The following RELT variants were observed in gnomAD, a reference collection of about 807,000 sequenced individuals.
The protein encoded by RELT is RELT TNF receptor.
A neutral mutation model predicts 51.1 loss-of-function variants in RELT; 37 were observed. That is an observed-to-expected ratio of 0.72 (90% CI 0.56 to 0.95). The LOEUF (loss-of-function observed/expected upper bound fraction) is 0.95, where lower values mean the gene tolerates loss of function less well. Ranked by LOEUF, RELT falls within the 40% of genes least tolerant of loss-of-function variation. The pLI is 0.00. For synonymous variants in RELT, 241 were observed against 235.7 expected, an observed-to-expected ratio of 1.02 and a Z score of -0.21; for missense variants, 535 against 572.6, an observed-to-expected ratio of 0.93 and a Z score of 0.67.
At chr11:73,383,609 G>A (rs1866080946) in intron 1 of RELT, among the ~76,000 whole-genome samples, 2 of 152,308 alleles carry the variant, frequency 1.3e-5, no homozygotes, top group South Asian at 4.1e-4. Context: ...CAGGTCCTGG[G>A]CTAAGTTGCA....
chr11:73,393,234 T>C, intron 6 of RELT: 1 of 1,003,058 alleles, frequency 1.0e-6, no homozygotes, highest in Non-Finnish European at 1.2e-6. Flanking sequence ...ACGTGGTGAC[T>C]CAGGGCCATT....
chr11:73,384,135 T>C (rs1252932567), intron 1 of RELT, among the ~76,000 whole-genome samples: 3 of 152,148 alleles, frequency 2.0e-5, no homozygotes, highest in Non-Finnish European at 4.4e-5. Context: ...CAGTGCGGCC[T>C]CTCTTAGCAG....
chr11:73,383,598 C>T (rs2134441814), intron 1 of RELT, among the ~76,000 whole-genome samples: 1 of 152,336 alleles, frequency 6.6e-6, no homozygotes, highest in Non-Finnish European at 1.5e-5. Context: ...TTACTATGTG[C>T]CAGGTCCTGG....
At chr11:73,390,525 T>C (rs780396923) in intron 2 of RELT, 26 bp from the exon 3 acceptor site, 6 of 1,610,580 alleles carry the variant, frequency 3.7e-6, no homozygotes, top group Non-Finnish European at 5.1e-6. Flanking sequence ...ACTTTCTGCC[T>C]CTTTCAATGC....
intron 1 of RELT, among the ~76,000 whole-genome samples, chr11:73,379,574 C>T (rs1866019706): frequency 6.6e-6 from 1 of 152,224 alleles, no homozygotes; most frequent in Non-Finnish European, 1.5e-5. Context: ...CCCTAGGACT[C>T]CTAGAACCTT....
rs1366354691 is a variant in RELT, at chr11:73,394,143, A to G, written c.707-93A>G. 3.0e-5 allele frequency: 34 copies of G among 1,144,838 alleles called. No individual in the cohort carries two copies. Among genetic ancestry groups the G allele is most frequent in the Non-Finnish European group, 7.6e-6 (6 of 790,994 alleles). 70.9% of individuals were successfully genotyped at this position (1,144,838 alleles called of 1,614,324 possible). On this transcript the variant is annotated intron_variant, in intron 7 of 10. Transcript: ENST00000064780. The surrounding 1 kb of genome is among the most constrained non-coding windows in gnomAD (Gnocchi z 4.9). The stretch of plus-strand genomic sequence containing the variant: ...CACAGCCCAGGCTGGGAGTGGTGGT[A>G]TGGAGGGTAGGTGGGGGGTTCTCTG...
intron 3 of RELT, 60 bp downstream of exon 3, chr11:73,390,685 T>G: frequency 6.2e-7 from 1 of 1,607,842 alleles, no homozygotes; most frequent in Non-Finnish European, 8.5e-7. Flanking sequence ...AGGGGCAGAG[T>G]CCTGTGCCTG....
In RELT at chr11:73,390,598, G is replaced by A; in HGVS notation, c.93G>A (p.Gln31=). ...LATLTSTTLW[Q]CPPGEEPDLD... ...CCCTGACATCAACAACCCTTTGGCA[G>A]TGCCCACCTGGGGAGGAGCCCGACC... The change falls in exon 3 of 11, where the codon CAG becomes CAA. Residue 31 remains glutamine (Q), a synonymous_variant. Transcript: ENST00000064780. 6.2e-7 allele frequency: 1 copy of A among 1,613,990 alleles called. No homozygotes were observed. Among genetic ancestry groups the A allele is most frequent in the Non-Finnish European group, 8.5e-7 (1 of 1,179,992 alleles).
Position 73,392,261 on chromosome 11 carries a change from A to G in RELT, c.418A>G (p.Ser140Gly), listed in dbSNP as rs1866228392. The change falls in exon 6 of 11, where the codon AGC becomes GGC. Residue 140 changes from serine (S) to glycine (G), a missense_variant. Transcript: ENST00000064780. ...CGTGGAGGTGGCAGCAGGGGCCAGC[A>G]GCGGTGGTGAGACACGGCAGCCTGG... ...RGVEVAAGAS[S>G]GGETRQPGNG... The G allele has an allele frequency of 6.2e-7, 1 of 1,613,008 alleles. No individual in the cohort carries two copies. Among genetic ancestry groups the G allele is most frequent in the South Asian group, 1.1e-5 (1 of 91,052 alleles).
rs942416298 is a variant in RELT, at chr11:73,388,809, G to A, written c.-25-303G>A. 2.0e-5 allele frequency among the ~76,000 whole-genome samples: 3 copies of A among 152,168 alleles called. No homozygotes were observed. The highest frequency in any genetic ancestry group is 7.2e-5 in the African/African-American group (3 of 41,444). On this transcript the variant is annotated intron_variant, in intron 1 of 10. Coordinates refer to ENST00000064780, the MANE Select transcript of RELT (RefSeq NM_152222.2). The surrounding 1 kb of genome is among the most constrained non-coding windows in gnomAD (Gnocchi z 4.1). ...CTTCCTTCCCCTGCTGATGCCTCGG[G>A]GCACCTGGCAGTTTAAGGAAGGGGA...
At position 73,394,445 on chromosome 11, in the gene RELT, C is replaced by A. The variant is rs753987816; in HGVS notation, c.789-32C>A. On this transcript the variant is annotated intron_variant, in intron 8 of 10. Transcript: ENST00000064780. This position sits in a 1 kb window ranked among gnomAD's most constrained non-coding sequence, Gnocchi z 4.9. Reference sequence around the variant, plus strand: ...CTGGGGTCTCCTGCCCCTGGCCTGGCCTATGGCCACTTCTGCCTGTGCCCC... The same window carrying A: ...CTGGGGTCTCCTGCCCCTGGCCTGGACTATGGCCACTTCTGCCTGTGCCCC... The A allele has an allele frequency of 1.2e-6, 2 of 1,608,884 alleles. No homozygotes were observed. The highest frequency in any genetic ancestry group is 1.7e-6 in the Non-Finnish European group (2 of 1,176,746).
In RELT at chr11:73,392,191, C is replaced by G. The variant is rs1246761297; in HGVS notation, c.368-20C>G. ...GTGTCACTCTGCTTTTGTCCTGCCT[C>G]CATCGTCTGTGATGCTCAGAGTGGG... is the stretch of plus-strand genomic sequence containing the variant. On this transcript the variant is annotated intron_variant, in intron 5 of 10. Transcript: ENST00000064780. 6.2e-7 allele frequency: 1 copy of G among 1,608,428 alleles called. No individual in the cohort carries two copies.
chr11:73,391,326 G>A, intron 5 of RELT, 103 bp downstream of exon 5: 1 of 1,062,368 alleles, frequency 9.4e-7, no homozygotes, highest in Non-Finnish European at 1.4e-6. Context: ...GGGGCAGTGG[G>A]GTCCTTCTTC....
intron 1 of RELT, among the ~76,000 whole-genome samples, chr11:73,384,075 C>G (rs1249593237): frequency 6.6e-6 from 1 of 152,158 alleles, no homozygotes; most frequent in Non-Finnish European, 1.5e-5. Context: ...GTAGCTGCCT[C>G]CCTACCTGCC....
At chr11:73,393,358 C>A in intron 6 of RELT, 1 of 1,131,404 alleles carries the variant, frequency 8.8e-7, no homozygotes, top group Non-Finnish European at 1.1e-6. Flanking sequence ...ATCATCGTGG[C>A]CCATTCTCAC....
Position 73,394,144 on chromosome 11 carries a change from T to G in RELT, c.707-92T>G. 3 of 1,188,190 alleles carry G rather than the reference T, an allele frequency of 2.5e-6. No homozygotes were observed. The highest frequency in any genetic ancestry group is 3.6e-6 in the Non-Finnish European group (3 of 825,732). 73.6% of individuals were successfully genotyped at this position (1,188,190 alleles called of 1,614,324 possible). A position where few individuals can be genotyped will look rare whatever the true frequency, so the allele number is the denominator to read the frequency against. ...ACAGCCCAGGCTGGGAGTGGTGGTA[T>G]GGAGGGTAGGTGGGGGGTTCTCTGC... On this transcript the variant is annotated intron_variant, in intron 7 of 10. Coordinates refer to ENST00000064780, the MANE Select transcript of RELT (RefSeq NM_152222.2). The surrounding 1 kb of genome is among the most constrained non-coding windows in gnomAD (Gnocchi z 4.9).
At position 73,394,537 on chromosome 11, in the gene RELT, C is replaced by G. The variant is rs143033394; in HGVS notation, c.849C>G (p.Thr283=). 1 of 1,611,554 alleles carries G rather than the reference C, an allele frequency of 6.2e-7. No individual in the cohort carries two copies. The highest frequency in any genetic ancestry group is 8.5e-7 in the Non-Finnish European group (1 of 1,179,958). Residue 283 remains threonine, a synonymous_variant, in exon 9 of 11, where the codon ACC becomes ACG. Coordinates refer to ENST00000064780, the MANE Select transcript of RELT (RefSeq NM_152222.2). The surrounding 1 kb of genome is among the most constrained non-coding windows in gnomAD (Gnocchi z 4.9). Reference sequence around the variant, plus strand: ...GCCCGCACCGCCACCATCTCCACACCGTGCAGGGCCTGGCCTCGCTCTCTG... The same window carrying G: ...GCCCGCACCGCCACCATCTCCACACGGTGCAGGGCCTGGCCTCGCTCTCTG... ...HICPHRHHLH[T]VQGLASLSGP... is the part of the protein sequence containing the mutation.
intron 5 of RELT, chr11:73,391,939 A>ATC (rs1565222811): frequency 1.8e-6 from 1 of 564,376 alleles, no homozygotes; most frequent in Non-Finnish European, 3.2e-6. Context: ...CCTGTGTGCC[A>ATC]TCTCTTCACC....
Position 73,392,240 on chromosome 11 carries a change from G to A in RELT, c.397G>A (p.Glu133Lys), listed in dbSNP as rs2134452747. 3 of 1,612,502 alleles carry A rather than the reference G, an allele frequency of 1.9e-6. No individual in the cohort carries two copies. The highest frequency in any genetic ancestry group is 2.5e-6 in the Non-Finnish European group (3 of 1,179,456). ...EWGRRARRGV[E>K]VAAGASSGGE... ...GGGGCGGCGGGCCCGACGTGGCGTGGAGGTGGCAGCAGGGGCCAGCAGCGG... is the reference window on the plus strand; with the variant it reads ...GGGGCGGCGGGCCCGACGTGGCGTGAAGGTGGCAGCAGGGGCCAGCAGCGG... The change falls in exon 6 of 11, where the codon GAG (glutamate) becomes AAG (lysine). Residue 133 changes from glutamate (E) to lysine (K), a missense_variant. Glu to Lys is a moderately conservative substitution (Grantham distance 56). Transcript: ENST00000064780.
Sources: allele counts gnomAD v4.1 joint callset (sites outside exome capture counted in the v4.1 genomes callset), GRCh38; gene constraint gnomAD v4.1.1; non-coding constraint Gnocchi (gnomAD v3.1); transcripts MANE v1.5; gene names NCBI Gene and HGNC (gene_info 2026-07-23, HGNC 2026-07-21).